Variants in AGTPBP1 observed in about 807,000 individuals in gnomAD.
AGTPBP1 encodes the protein cytosolic carboxypeptidase 1.
In AGTPBP1, 70 loss-of-function variants were observed where a neutral mutation model predicts 143.9. The observed-to-expected ratio is 0.49, with a 90% CI of 0.40 to 0.59. The LOEUF is 0.59. Among genes scored for constraint, AGTPBP1 ranks in the 20% least tolerant of loss-of-function variants. The pLI is 0.00. For synonymous variants in AGTPBP1, 463 were observed against 500.2 expected (o/e 0.93, Z 0.99); for missense variants, 1,229 against 1,464.5 (o/e 0.84, Z 2.62).
In AGTPBP1 at chr9:85,592,357, CTTATG is replaced by C. The variant is rs1294610558; in HGVS notation, c.2568+198_2568+202del. On this transcript the variant is annotated intron_variant, in intron 19 of 25. Transcript: ENST00000357081. ...AAAATCTTCAACACTAAACCCTTTT[CTTATG>C]TTATATTTAACTAAACTTAATTTTC... 3.9e-5 allele frequency among the ~76,000 whole-genome samples: 6 copies of C among 151,982 alleles called. No individual in the cohort carries two copies. The South Asian group carries it at 8.3e-4, about 21-fold the overall frequency.
intron 9 of AGTPBP1, among the ~76,000 whole-genome samples, chr9:85,660,261 C>T (rs900621890): frequency 4.7e-4 from 72 of 151,822 alleles, no homozygotes; most frequent in Admixed American, 4.7e-3. Context: ...CAAATGTTAC[C>T]GTGATTAAAC....
intron 1 of AGTPBP1, among the ~76,000 whole-genome samples, chr9:85,727,806 C>T (rs144369143): frequency 1.3e-5 from 2 of 151,976 alleles, no homozygotes; most frequent in East Asian, 3.9e-4. Flanking sequence ...CACTTGAGGC[C>T]AGGAGTTCTG....
intron 18 of AGTPBP1, among the ~76,000 whole-genome samples, chr9:85,594,591 A>G (rs546220644): frequency 2.0e-3 from 302 of 152,008 alleles, no homozygotes; most frequent in African/African-American, 7.0e-3. Context: ...CTGTGTTTAA[A>G]AAAAAAAATT....
At chr9:85,802,691 T>C in the AGTPBP1 span, among the ~76,000 whole-genome samples, 1 of 152,222 alleles carries the variant, frequency 6.6e-6, no homozygotes, top group African/African-American at 2.4e-5. Flanking sequence ...TAGAAATATA[T>C]CTTGCTCACA....
At chr9:85,715,420 A>T (rs1281110788) in intron 1 of AGTPBP1, among the ~76,000 whole-genome samples, 3 of 152,148 alleles carry the variant, frequency 2.0e-5, no homozygotes. Flanking sequence ...GCACTCAGAA[A>T]CAAGGACGAC....
chr9:85,708,172 T>C (rs548226591), intron 2 of AGTPBP1, among the ~76,000 whole-genome samples: 18 of 152,344 alleles, frequency 1.2e-4, no homozygotes, highest in East Asian at 3.9e-4. Context: ...CCTGTATTCA[T>C]TGGCTCATGG....
At chr9:85,685,465 C>G (rs1392639151) in intron 3 of AGTPBP1, among the ~76,000 whole-genome samples, 1 of 151,902 alleles carries the variant, frequency 6.6e-6, no homozygotes, top group Non-Finnish European at 1.5e-5. Flanking sequence ...GGTGGAAACA[C>G]AATTGTAAGC....
chr9:85,617,722 C>A (rs569526317), intron 17 of AGTPBP1, among the ~76,000 whole-genome samples: 10 of 151,706 alleles, frequency 6.6e-5, no homozygotes, highest in African/African-American at 2.2e-4. Context: ...TAGAGTTAGA[C>A]TGACAAAGAA....
At chr9:85,560,618 A>G (rs1826646652) in intron 25 of AGTPBP1, among the ~76,000 whole-genome samples, 1 of 152,220 alleles carries the variant, frequency 6.6e-6, no homozygotes, top group Non-Finnish European at 1.5e-5. Context: ...GAGTCTTTGT[A>G]GATAGATATT....
intron 1 of AGTPBP1, among the ~76,000 whole-genome samples, chr9:85,737,964 G>C (rs1276651514): frequency 3.9e-5 from 6 of 152,090 alleles, no homozygotes; most frequent in Non-Finnish European, 7.3e-5. Context: ...CTGGATGCAG[G>C]AGCAGATATG....
the AGTPBP1 span, chr9:85,756,149 C>G: frequency 6.2e-7 from 1 of 1,612,232 alleles, no homozygotes; most frequent in Non-Finnish European, 8.5e-7. Flanking sequence ...ATTAGAGGAG[C>G]TGGAAGCAGA....
chr9:85,705,977 A>T (rs1362379430), intron 2 of AGTPBP1, among the ~76,000 whole-genome samples: 1 of 151,702 alleles, frequency 6.6e-6, no homozygotes. Flanking sequence ...GGTGTGAGCC[A>T]CCACGCCTGG....
intron 17 of AGTPBP1, among the ~76,000 whole-genome samples, chr9:85,615,147 G>GA (rs1209464735): frequency 6.6e-6 from 1 of 152,060 alleles, no homozygotes; most frequent in East Asian, 1.9e-4. Flanking sequence ...CCAATTCACA[G>GA]AAAATACCAA....
chr9:85,630,817 C>A (rs1831628237), intron 14 of AGTPBP1, among the ~76,000 whole-genome samples: 1 of 152,150 alleles, frequency 6.6e-6, no homozygotes, highest in African/African-American at 2.4e-5. Flanking sequence ...CCTCAGCTAT[C>A]ACCTCTGCAG....
intron 23 of AGTPBP1, 67 bp from the exon 24 acceptor site, chr9:85,579,163 A>T: frequency 6.8e-7 from 1 of 1,476,026 alleles, no homozygotes; most frequent in African/African-American, 1.5e-5. Flanking sequence ...TTTTAATTTT[A>T]AAAAGTTTTG....
At chr9:85,752,450 C>G in the AGTPBP1 span, among the ~76,000 whole-genome samples, 3 of 152,102 alleles carry the variant, frequency 2.0e-5, no homozygotes, top group African/African-American at 7.2e-5. Flanking sequence ...GTAATAAGCT[C>G]AGAAAGGCAG....
chr9:85,652,166 T>C (rs1833202534), intron 11 of AGTPBP1, among the ~76,000 whole-genome samples: 1 of 152,072 alleles, frequency 6.6e-6, no homozygotes, highest in African/African-American at 2.4e-5. Flanking sequence ...AATTAAGCAA[T>C]CACACCTACA....
the AGTPBP1 span, among the ~76,000 whole-genome samples, chr9:85,758,116 A>G: frequency 6.6e-6 from 1 of 152,236 alleles, no homozygotes; most frequent in South Asian, 2.1e-4. Context: ...TGTTACCACA[A>G]ATCTTATCTG....
intron 1 of AGTPBP1, among the ~76,000 whole-genome samples, chr9:85,740,342 T>C (rs35097075): frequency 0.1 from 15,434 of 152,212 alleles, 1,007 homozygotes; most frequent in Non-Finnish European, 0.16. Flanking sequence ...AACTTCACCA[T>C]AGAATTTAAC....
Sources: gnomAD v4.1 joint callset for allele counts (sites outside exome capture counted in the v4.1 genomes callset) on GRCh38, gnomAD v4.1.1 for gene constraint, MANE v1.5 for transcripts, NCBI Gene and HGNC (gene_info 2026-07-23, HGNC 2026-07-21) for gene names.